Variants in LMF1 observed in about 807,000 individuals in gnomAD.
The protein encoded by LMF1 is lipase maturation factor 1.
LMF1 carries 68 observed loss-of-function variants against 60.6 expected under a neutral mutation model. The ratio of observed to expected loss-of-function variants is 1.12; its 90% CI spans 0.92 to 1.37. The LOEUF (loss-of-function observed/expected upper bound fraction) is 1.37, where lower values mean the gene tolerates loss of function less well. Among genes scored for constraint, LMF1 ranks in the 40% most tolerant of loss-of-function variants. The pLI, the probability that LMF1 is intolerant of heterozygous loss-of-function variation, is 0.00. For missense variants in LMF1, 948 were observed against 767.2 expected, an observed-to-expected ratio of 1.24 and a Z score of -2.78; for synonymous variants, 418 against 324.7, an observed-to-expected ratio of 1.29 and a Z score of -3.09.
intron 10 of LMF1, among the ~76,000 whole-genome samples, chr16:856,788 C>T (rs764300178): frequency 1.2e-4 from 19 of 152,356 alleles, no homozygotes; most frequent in Non-Finnish European, 2.4e-4. Flanking sequence ...GGCACCGCCC[C>T]GGAGGGCTTG....
intron 5 of LMF1, among the ~76,000 whole-genome samples, chr16:885,945 T>G (rs1470320329): frequency 6.6e-6 from 1 of 152,176 alleles, no homozygotes; most frequent in African/African-American, 2.4e-5. Flanking sequence ...CAAACCATAT[T>G]CTGGGCTACA....
At chr16:908,722 C>T (rs2071030779) in intron 4 of LMF1, among the ~76,000 whole-genome samples, 1 of 152,246 alleles carries the variant, frequency 6.6e-6, no homozygotes, top group African/African-American at 2.4e-5. Context: ...CGGAGCCAGC[C>T]CGCAGGGTTC....
At chr16:929,299 C>T (rs1213299811) in intron 3 of LMF1, among the ~76,000 whole-genome samples, 1 of 152,228 alleles carries the variant, frequency 6.6e-6, no homozygotes, top group Non-Finnish European at 1.5e-5. Context: ...TTCCCAGAGC[C>T]CGCTCTCCAT....
At chr16:941,079 T>C (rs1008890347) in intron 2 of LMF1, among the ~76,000 whole-genome samples, 1 of 152,226 alleles carries the variant, frequency 6.6e-6, no homozygotes, top group Non-Finnish European at 1.5e-5. Context: ...AACTTTACTT[T>C]GTCTAAAGTT....
chr16:870,788 C>A lies in LMF1; in HGVS notation c.1173G>T (p.Gln391His). ...GAGAGTTGAAGTGGGTGTTCATGACCTGCCTGGAGCTCAGCAAGTTGAGGA... is the reference window on the plus strand; with the variant it reads ...GAGAGTTGAAGTGGGTGTTCATGACATGCCTGGAGCTCAGCAAGTTGAGGA... Reference protein sequence around the residue: ...PVVLNLLSSRQVMNTHFNSLH... With the variant: ...PVVLNLLSSRHVMNTHFNSLH... The change falls in exon 8 of 11, where the codon CAG (glutamine) becomes CAT (histidine). Residue 391 changes from glutamine (Q) to histidine (H), a missense_variant. Physicochemically the swap from Gln to His is conservative, Grantham distance 24. Coordinates refer to ENST00000262301, the MANE Select transcript of LMF1 (RefSeq NM_022773.4). 1 of 1,612,886 alleles carries A rather than the reference C, an allele frequency of 6.2e-7. No homozygotes were observed. Among genetic ancestry groups the A allele is most frequent in the Non-Finnish European group, 8.5e-7 (1 of 1,179,698 alleles).
chr16:908,239 G>A (rs928550353), intron 4 of LMF1, among the ~76,000 whole-genome samples: 5 of 152,222 alleles, frequency 3.3e-5, no homozygotes, highest in African/African-American at 1.2e-4. Flanking sequence ...GAATTTCAAT[G>A]TTCCATTAAA....
intron 10 of LMF1, among the ~76,000 whole-genome samples, chr16:865,230 G>A (rs2069580446): frequency 6.6e-6 from 1 of 152,176 alleles, no homozygotes; most frequent in Non-Finnish European, 1.5e-5. Flanking sequence ...TCCATTTATA[G>A]TTATCTTAAC....
At position 892,888 on chromosome 16, in the gene LMF1, T is replaced by C. The variant is rs1412155931; in HGVS notation, c.729+119A>G. 8.2e-6 allele frequency: 6 copies of C among 728,772 alleles called. No homozygotes were observed. In the African/African-American group the frequency reaches 1.1e-4, roughly 13 times the overall value. The allele number at this position is 728,772 out of a possible 1,614,324, so 45.1% of individuals were successfully genotyped here. On this transcript the variant is annotated intron_variant, in intron 5 of 10. Transcript: ENST00000262301. Reference sequence around the variant, plus strand: ...GGAGGGAGAGGACGTCCTGAATCAATGGGGGTGACCCTGTGATGCGACAGC... The same window carrying C: ...GGAGGGAGAGGACGTCCTGAATCAACGGGGGTGACCCTGTGATGCGACAGC...
At chr16:860,220 T>A (rs1435592307) in intron 10 of LMF1, among the ~76,000 whole-genome samples, 1 of 152,216 alleles carries the variant, frequency 6.6e-6, no homozygotes, top group African/African-American at 2.4e-5. Context: ...CAGGTCTTTT[T>A]ATGGAGCAAA....
rs143956020 is a variant in LMF1 at position 878,642 on chromosome 16, G to GC, written c.897+927dup. Reference sequence around the variant, plus strand: ...CAGGACCCGGCCAACAACCATGGGCGCCCCCACGTGCACCAACGTGGCGTG... The same window carrying GC: ...CAGGACCCGGCCAACAACCATGGGCGCCCCCCACGTGCACCAACGTGGCGTG... On this transcript the variant is annotated intron_variant, in intron 6 of 10. Transcript: ENST00000262301. This position sits in a 1 kb window ranked among gnomAD's most constrained non-coding sequence, Gnocchi z 5.2. 0.027 allele frequency among the ~76,000 whole-genome samples: 4,151 copies of GC among 151,690 alleles called. 186 individuals carry two copies. The highest frequency in any genetic ancestry group is 0.094 in the African/African-American group (3,875 of 41,350).
chr16:864,325 A>G (rs1235645508), intron 10 of LMF1, among the ~76,000 whole-genome samples: 2 of 152,240 alleles, frequency 1.3e-5, no homozygotes, highest in Non-Finnish European at 2.9e-5. Flanking sequence ...CTAACTTATG[A>G]GAGTTCCACT....
In LMF1 at chr16:968,554, G is replaced by T. The variant is rs563449391; in HGVS notation, c.193+2234C>A. The T allele has an allele frequency of 3.9e-5, 6 of 152,318 alleles. No individual in the cohort carries two copies. In the East Asian group the frequency reaches 7.7e-4, roughly 20 times the overall value. The allele number at this position is 152,318 out of a possible 1,614,324, so 9.4% of individuals were successfully genotyped here. The stretch of plus-strand genomic sequence containing the variant: ...CAGAACTTTCTAGAAGGAGATAAAT[G>T]CAGGATGACTGCCTGCTTGCCCTGG... On this transcript the variant is annotated intron_variant, in intron 1 of 10. Transcript: ENST00000262301.
At position 893,083 on chromosome 16, in the gene LMF1, G is replaced by A. The variant is rs1217142433; in HGVS notation, c.664-11C>T. The A allele has an allele frequency of 1.3e-6, 2 of 1,552,760 alleles. No homozygotes were observed. The highest frequency in any genetic ancestry group is 1.7e-6 in the Non-Finnish European group (2 of 1,148,060). Reference sequence around the variant, plus strand: ...GATCTTGATCAGGCCCTGCAAGGAAGAGAGCAGAGGGAGAGTCAGTCACAG... The same window carrying A: ...GATCTTGATCAGGCCCTGCAAGGAAAAGAGCAGAGGGAGAGTCAGTCACAG... On this transcript the variant is annotated splice_polypyrimidine_tract_variant and intron_variant, in intron 4 of 10. Transcript: ENST00000262301.
intron 3 of LMF1, chr16:920,898 G>A (rs1416334762): frequency 6.6e-6 from 1 of 152,258 alleles, no homozygotes; most frequent in African/African-American, 2.4e-5. Context: ...TGCATGCCCA[G>A]AGCAAGCATC....
At chr16:975,699 G>T (rs1268791086), upstream of LMF1, 2 of 425,328 alleles carry the variant, frequency 4.7e-6, no homozygotes, top group Non-Finnish European at 4.7e-6. Context: ...CCCGCCTGAG[G>T]GCATCTTAAT....
intron 2 of LMF1, among the ~76,000 whole-genome samples, chr16:949,412 A>T (rs1388749160): frequency 6.6e-6 from 1 of 150,540 alleles, no homozygotes. Flanking sequence ...GTCAGCCAAC[A>T]ACAGTCAGCC....
At chr16:941,246 T>C (rs1317344865) in intron 2 of LMF1, among the ~76,000 whole-genome samples, 1 of 152,174 alleles carries the variant, frequency 6.6e-6, no homozygotes, top group Non-Finnish European at 1.5e-5. Context: ...ATTTTTTTTT[T>C]TGCGACAGAG....
intron 5 of LMF1, among the ~76,000 whole-genome samples, chr16:882,037 T>C (rs886437773): frequency 6.6e-6 from 1 of 152,204 alleles, no homozygotes; most frequent in African/African-American, 2.4e-5. Context: ...CTTGGATGTT[T>C]GTGTCCCGAA....
Position 879,574 on chromosome 16 carries a change from A to G in LMF1, c.893T>C (p.Phe298Ser). Residue 298 changes from phenylalanine to serine, a missense_variant, in exon 6 of 11, where the codon TTC (phenylalanine) becomes TCC (serine). Phe to Ser is a radical substitution (Grantham distance 155). Transcript: ENST00000262301. ...CIIHGVLQIL[F>S]QAVLIVSGNL... The stretch of plus-strand genomic sequence containing the variant: ...GGGCGGGCGGCGCGGGCTCACCTGG[A>G]ACAGGATCTGCAGCACCCCGTGGAT... The G allele has an allele frequency of 6.2e-7, 1 of 1,612,816 alleles. No individual in the cohort carries two copies. The highest frequency in any genetic ancestry group is 8.5e-7 in the Non-Finnish European group (1 of 1,179,666).
Sources: allele counts gnomAD v4.1 joint callset (sites outside exome capture counted in the v4.1 genomes callset), GRCh38; gene constraint gnomAD v4.1.1; non-coding constraint Gnocchi (gnomAD v3.1); transcripts MANE v1.5; gene names NCBI Gene and HGNC (gene_info 2026-07-23, HGNC 2026-07-21).